DLC1: variants seen among roughly 807,000 people sequenced by gnomAD.
The protein encoded by DLC1 is DLC1 Rho GTPase activating protein.
Under a neutral mutation model 140.3 loss-of-function variants are expected in DLC1, and 54 were observed. The observed-to-expected ratio is 0.38, with a 90% CI of 0.31 to 0.48. The LOEUF (loss-of-function observed/expected upper bound fraction) is 0.48. Ranked by LOEUF, DLC1 falls within the 20% of genes least tolerant of loss-of-function variation. The probability of loss-of-function intolerance (pLI) is 0.96; values close to 1 mark genes in which losing one functional copy is unlikely to be tolerated. For missense variants in DLC1, 2,536 were observed against 1,907.0 expected (o/e 1.33, Z -6.14); for synonymous variants, 986 against 728.1 (o/e 1.35, Z -5.70).
chr8:13,559,330 C>G (rs1426778609), intron 1 of DLC1: 1 of 152,200 alleles, frequency 6.6e-6, no homozygotes, highest in African/African-American at 2.4e-5. Context: ...GCATGGAAGG[C>G]TCTAAAGAAA....
intron 5 of DLC1, among the ~76,000 whole-genome samples, chr8:13,215,842 C>T (rs1050602872): frequency 6.6e-6 from 1 of 152,128 alleles, no homozygotes; most frequent in Admixed American, 6.5e-5. Context: ...AGTGCGCAAG[C>T]CCGTGGAGTA....
chr8:13,257,439 G>GAAAAAAAAAAAAAAAAAAAAAAAAAAA (rs34452124), intron 5 of DLC1, among the ~76,000 whole-genome samples: 1 of 104,468 alleles, frequency 9.6e-6, no homozygotes, highest in Non-Finnish European at 1.9e-5. Context: ...CCTGTCTCAG[G>GAAAAAAAAAAAAAAAAAAAAAAAAAAA]AAAAAAAAAA....
rs1263997188 is a variant in DLC1 at position 13,313,798 on chromosome 8, T to C, written c.1315-8496A>G. ...ATTTTGAAAAACATTTTTGTTTTTT[T>C]TCTTATTTTCCCTAAGTTTTATAAA... On this transcript the variant is annotated intron_variant, in intron 4 of 17. Transcript: ENST00000276297. 2.6e-5 allele frequency among the ~76,000 whole-genome samples: 4 copies of C among 152,240 alleles called. 1 individual carries two copies. The highest frequency in any genetic ancestry group is 5.9e-5 in the Non-Finnish European group (4 of 68,044).
rs79198902 is a variant in DLC1 at position 13,597,320 on chromosome 8, G to T, written c.-126+7217C>A. On this transcript the variant is annotated intron_variant, in intron 1 of 1. Transcript: ENST00000631382. Reference sequence around the variant, plus strand: ...GAAGAATGACAGAAGACGTGATTAGGCCTTCCAAAGACGTGAACCGTATTG... The same window carrying T: ...GAAGAATGACAGAAGACGTGATTAGTCCTTCCAAAGACGTGAACCGTATTG... 9.6e-3 allele frequency among the ~76,000 whole-genome samples: 1,455 copies of T among 152,060 alleles called. 28 individuals carry two copies. Among genetic ancestry groups the T allele is most frequent in the African/African-American group, 0.032 (1,308 of 41,490 alleles).
chr8:13,100,986 C>G (rs1819036424), intron 8 of DLC1: 1 of 476,552 alleles, frequency 2.1e-6, no homozygotes, highest in Non-Finnish European at 3.4e-6. Context: ...AACTGCTGAC[C>G]TCAAGTGATC....
chr8:13,348,839 AG>A (rs1239344649), intron 4 of DLC1, among the ~76,000 whole-genome samples: 2 of 152,308 alleles, frequency 1.3e-5, no homozygotes, highest in South Asian at 4.1e-4. Context: ...GCTATGCTAA[AG>A]GCTGCAGAGA....
At chr8:13,209,575 G>A (rs1408968397) in intron 5 of DLC1, among the ~76,000 whole-genome samples, 4 of 152,150 alleles carry the variant, frequency 2.6e-5, no homozygotes, top group Non-Finnish European at 4.4e-5. Context: ...ATGTTGAAAT[G>A]TAATCCTCAG....
At chr8:13,599,171 A>T (rs1476194376) in intron 1 of DLC1, among the ~76,000 whole-genome samples, 1 of 151,840 alleles carries the variant, frequency 6.6e-6, no homozygotes, top group Non-Finnish European at 1.5e-5. Flanking sequence ...TACCCCTGAC[A>T]TGTGTGAATA....
intron 7 of DLC1, among the ~76,000 whole-genome samples, chr8:13,104,765 G>A (rs1318510631): frequency 2.6e-5 from 4 of 152,140 alleles, no homozygotes; most frequent in African/African-American, 9.7e-5. Flanking sequence ...TACCTTAGGT[G>A]GTAGCCTGTT....
chr8:13,588,108 G>A (rs1286770547), intron 1 of DLC1, among the ~76,000 whole-genome samples: 10 of 152,042 alleles, frequency 6.6e-5, no homozygotes, highest in Admixed American at 3.9e-4. Flanking sequence ...CTTCCAAATG[G>A]AAGCACAGTC....
chr8:13,327,886 C>G (rs1833436939), intron 4 of DLC1, among the ~76,000 whole-genome samples: 1 of 152,164 alleles, frequency 6.6e-6, no homozygotes, highest in Non-Finnish European at 1.5e-5. Context: ...CTTCATTTAG[C>G]TATTCTGAGG....
At chr8:13,090,845 A>G (rs1818002112) in intron 14 of DLC1, among the ~76,000 whole-genome samples, 1 of 135,916 alleles carries the variant, frequency 7.4e-6, no homozygotes, top group Non-Finnish European at 1.5e-5. Context: ...TCATTCTGTT[A>G]CCTAGTGGAG....
chr8:13,161,035 C>T (rs967789519), intron 5 of DLC1, among the ~76,000 whole-genome samples: 1 of 152,278 alleles, frequency 6.6e-6, no homozygotes, highest in East Asian at 1.9e-4. Context: ...GAGCCGAGAT[C>T]GCGCCACTGC....
At chr8:13,486,355 G>A (rs1006464508) in intron 2 of DLC1, among the ~76,000 whole-genome samples, 6 of 151,652 alleles carry the variant, frequency 4.0e-5, no homozygotes, top group Admixed American at 6.6e-5. Flanking sequence ...TTTTTCCCCC[G>A]CACACAAAGT....
intron 2 of DLC1, among the ~76,000 whole-genome samples, chr8:13,433,673 C>G (rs1218776440): frequency 6.6e-6 from 1 of 152,124 alleles, no homozygotes; most frequent in East Asian, 1.9e-4. Context: ...TAATTATGTA[C>G]AATGTCAGGT....
Position 13,568,186 on chromosome 8 carries a change from G to A in DLC1, c.-126+36351C>T, listed in dbSNP as rs1408458712. 6 of 452,482 alleles carry A rather than the reference G, an allele frequency of 1.3e-5. 1 individual carries two copies. The Admixed American group carries it at 1.6e-4, about 12-fold the overall frequency. 28.0% of individuals were successfully genotyped at this position (452,482 alleles called of 1,614,324 possible). A position where few individuals can be genotyped will look rare whatever the true frequency, so the allele number is the denominator to read the frequency against. Reference sequence around the variant, plus strand: ...GGGCCAGGATGTTGATGGTACAGAAGCAAAGTAGTATGGGGATGTAAGAGA... The same window carrying A: ...GGGCCAGGATGTTGATGGTACAGAAACAAAGTAGTATGGGGATGTAAGAGA... On this transcript the variant is annotated intron_variant, in intron 1 of 1. Transcript: ENST00000631382.
chr8:13,248,599 C>G (rs1415295138), intron 5 of DLC1, among the ~76,000 whole-genome samples: 2 of 152,186 alleles, frequency 1.3e-5, no homozygotes, highest in South Asian at 2.1e-4. Flanking sequence ...GGACACCCCC[C>G]ACATGGTGTA....
At chr8:13,338,554 A>G (rs1833899085) in intron 4 of DLC1, 1 of 152,238 alleles carries the variant, frequency 6.6e-6, no homozygotes, top group Admixed American at 6.5e-5. Context: ...ATATTTAGTG[A>G]GCATTTATCC....
intron 1 of DLC1, among the ~76,000 whole-genome samples, chr8:13,564,451 G>A (rs375087154): frequency 1.1e-3 from 169 of 152,232 alleles, no homozygotes; most frequent in African/African-American, 3.9e-3. Flanking sequence ...TACTTGAGAA[G>A]TTGATGTAAA....
Sources: allele counts gnomAD v4.1 joint callset (sites outside exome capture counted in the v4.1 genomes callset), GRCh38; gene constraint gnomAD v4.1.1; transcripts MANE v1.5; gene names NCBI Gene and HGNC (gene_info 2026-07-23, HGNC 2026-07-21).